CACNA1D: variants seen among roughly 807,000 people sequenced by gnomAD.
CACNA1D encodes the protein calcium voltage-gated channel subunit alpha1 D.
Under a neutral mutation model 257.1 loss-of-function variants are expected in CACNA1D, and 55 were observed. The observed-to-expected ratio is 0.21, with a 90% CI of 0.17 to 0.27. The LOEUF (loss-of-function observed/expected upper bound fraction) is 0.27, where lower values mean the gene tolerates loss of function less well. Ranked by LOEUF, CACNA1D falls within the 10% of genes least tolerant of loss-of-function variation. The pLI is 1.00. For missense variants in CACNA1D, 1,876 were observed against 2,784.0 expected, an observed-to-expected ratio of 0.67 and a Z score of 7.34; for synonymous variants, 980 against 1,014.9, an observed-to-expected ratio of 0.97 and a Z score of 0.65.
intron 4 of CACNA1D, among the ~76,000 whole-genome samples, chr3:53,659,767 CAGTGCTTAGCACA>C: frequency 6.6e-6 from 1 of 152,360 alleles, no homozygotes; most frequent in African/African-American, 2.4e-5. Context: ...AATGTATGTG[CAGTGCTTAGCACA>C]TAGCAAGTGC....
chr3:53,566,723 G>A (rs2092847545), intron 3 of CACNA1D, among the ~76,000 whole-genome samples: 1 of 152,122 alleles, frequency 6.6e-6, no homozygotes, highest in Admixed American at 6.5e-5. Flanking sequence ...TCTGGAGCAG[G>A]CCCGTGCCCC....
intron 3 of CACNA1D, among the ~76,000 whole-genome samples, chr3:53,577,293 C>G (rs2093054323): frequency 6.6e-6 from 1 of 152,166 alleles, no homozygotes; most frequent in Non-Finnish European, 1.5e-5. Flanking sequence ...AAAGGTGCAG[C>G]TGACCTCAGG....
chr3:53,746,557 CTG>C (rs754609071), intron 25 of CACNA1D, among the ~76,000 whole-genome samples: 8 of 152,178 alleles, frequency 5.3e-5, no homozygotes, highest in African/African-American at 1.4e-4. Flanking sequence ...CTCTGGCTGA[CTG>C]TGCCTGTACA....
intron 29 of CACNA1D, among the ~76,000 whole-genome samples, chr3:53,756,276 C>A (rs2095264474): frequency 6.6e-6 from 1 of 152,114 alleles, no homozygotes; most frequent in Non-Finnish European, 1.5e-5. Context: ...AGAAACTGGG[C>A]CTCCTAAGAG....
chr3:53,807,591 CA>C (rs2095573557), intron 45 of CACNA1D: 1 of 152,266 alleles, frequency 6.6e-6, no homozygotes, highest in Non-Finnish European at 1.5e-5. Flanking sequence ...AGATAGGAGC[CA>C]TAGAAATGCC....
intron 3 of CACNA1D, among the ~76,000 whole-genome samples, chr3:53,543,118 T>TC (rs2092338106): frequency 8.3e-6 from 1 of 120,170 alleles, no homozygotes; most frequent in African/African-American, 3.6e-5. Context: ...ACAGCAGCAG[T>TC]AAAAAATAAA....
At chr3:53,579,300 A>G (rs1330693443) in intron 3 of CACNA1D, among the ~76,000 whole-genome samples, 1 of 152,260 alleles carries the variant, frequency 6.6e-6, no homozygotes, top group Non-Finnish European at 1.5e-5. Flanking sequence ...TGTTAAAAAC[A>G]GTAAATCACA....
At chr3:53,803,922 G>A (rs2095548827) in intron 44 of CACNA1D, among the ~76,000 whole-genome samples, 1 of 152,140 alleles carries the variant, frequency 6.6e-6, no homozygotes, top group Admixed American at 6.5e-5. Flanking sequence ...TTGGAGCTCT[G>A]GCGGCCCCAG....
intron 7 of CACNA1D, 100 bp from the exon 8 acceptor site, chr3:53,672,923 G>T: frequency 5.2e-6 from 4 of 764,356 alleles, no homozygotes; most frequent in East Asian, 2.9e-5. Context: ...CTAAGTAAAT[G>T]TTTAATTAAA....
intron 3 of CACNA1D, among the ~76,000 whole-genome samples, chr3:53,552,687 C>T (rs561219419): frequency 6.6e-6 from 1 of 152,128 alleles, no homozygotes; most frequent in Non-Finnish European, 1.5e-5. Context: ...TTGATTTCTC[C>T]TGGTATCTTC....
intron 3 of CACNA1D, among the ~76,000 whole-genome samples, chr3:53,585,461 C>G (rs914310962): frequency 6.6e-6 from 1 of 152,100 alleles, no homozygotes; most frequent in African/African-American, 2.4e-5. Context: ...CAACAAAAAA[C>G]CCAGACTCTT....
chr3:53,700,169 A>C (rs1030579615), intron 8 of CACNA1D, among the ~76,000 whole-genome samples: 4 of 151,164 alleles, frequency 2.6e-5, no homozygotes, highest in African/African-American at 7.3e-5. Context: ...AATGTCCTTA[A>C]GCTTCTCAGG....
chr3:53,776,877 T>G lies in CACNA1D; in HGVS notation c.4508T>G (p.Leu1503Arg), dbSNP rs1374954781. Residue 1503 changes from leucine (L) to arginine (R), a missense_variant, in exon 37 of 48, where the codon CTT becomes CGT. By Grantham distance (102) the Leu-to-Arg change is moderately radical. Transcript: ENST00000350061. Reference protein sequence around the residue: ...DPEAKGRIKHLDVVTLLRRIQ... With the variant: ...DPEAKGRIKHRDVVTLLRRIQ... ...ACTTCCAGGGGAAGGATAAAACACCTTGATGTGGTCACTCTGCTTCGACGC... is the reference window on the plus strand; with the variant it reads ...ACTTCCAGGGGAAGGATAAAACACCGTGATGTGGTCACTCTGCTTCGACGC... The G allele has an allele frequency of 1.9e-6, 3 of 1,614,026 alleles. No homozygotes were observed. The highest frequency in any genetic ancestry group is 2.5e-6 in the Non-Finnish European group (3 of 1,179,988).
At chr3:53,518,199 C>CT (rs1167130034) in intron 3 of CACNA1D, among the ~76,000 whole-genome samples, 4 of 152,202 alleles carry the variant, frequency 2.6e-5, no homozygotes, top group Non-Finnish European at 5.9e-5. Flanking sequence ...GACTAGCACC[C>CT]TGGGGTGGAA....
chr3:53,507,833 C>CA (rs2090919206), intron 3 of CACNA1D, among the ~76,000 whole-genome samples: 1 of 151,982 alleles, frequency 6.6e-6, no homozygotes, highest in African/African-American at 2.4e-5. Context: ...GAGTATTAGC[C>CA]AGAACTCTTT....
At chr3:53,686,471 G>A (rs182116246) in intron 8 of CACNA1D, among the ~76,000 whole-genome samples, 3 of 152,098 alleles carry the variant, frequency 2.0e-5, no homozygotes, top group Admixed American at 2.0e-4. Flanking sequence ...ATAGCAGGAT[G>A]AAAGGAATAA....
intron 44 of CACNA1D, among the ~76,000 whole-genome samples, chr3:53,804,428 C>T (rs547079568): frequency 2.6e-5 from 4 of 152,224 alleles, no homozygotes; most frequent in African/African-American, 4.8e-5. Flanking sequence ...CCTCATCCCC[C>T]CTGTCGAGGG....
intron 46 of CACNA1D, 74 bp downstream of exon 46, chr3:53,808,844 C>G (rs1179424738): frequency 6.7e-7 from 1 of 1,502,204 alleles, no homozygotes; most frequent in Non-Finnish European, 9.1e-7. Context: ...TCACTCCCTT[C>G]TCCTTGGCCT....
chr3:53,649,183 T>A (rs1576227373), intron 3 of CACNA1D, among the ~76,000 whole-genome samples: 1 of 152,094 alleles, frequency 6.6e-6, no homozygotes, highest in East Asian at 1.9e-4. Flanking sequence ...TGCACAAGGG[T>A]GTTGGGGATA....
Sources: allele counts gnomAD v4.1 joint callset (sites outside exome capture counted in the v4.1 genomes callset), GRCh38; gene constraint gnomAD v4.1.1; transcripts MANE v1.5; gene names NCBI Gene and HGNC (gene_info 2026-07-23, HGNC 2026-07-21).